SPIDR: variants seen among roughly 807,000 people sequenced by gnomAD.
SPIDR encodes the protein scaffold protein involved in DNA repair.
A neutral mutation model predicts 104.6 loss-of-function variants in SPIDR; 93 were observed. The ratio of observed to expected loss-of-function variants is 0.89; its 90% CI spans 0.75 to 1.06. The LOEUF is 1.06. Among genes scored for constraint, SPIDR ranks in the 50% least tolerant of loss-of-function variants. The probability of loss-of-function intolerance (pLI) is 0.00; values close to 1 mark genes in which losing one functional copy is unlikely to be tolerated. For synonymous variants in SPIDR, 431 were observed against 416.9 expected (o/e 1.03, Z -0.41); for missense variants, 1,154 against 1,111.2 (o/e 1.04, Z -0.55).
At chr8:47,681,338 T>C (rs1396345183) in intron 11 of SPIDR, among the ~76,000 whole-genome samples, 1 of 152,210 alleles carries the variant, frequency 6.6e-6, no homozygotes, top group Non-Finnish European at 1.5e-5. Context: ...TGTAAGATCT[T>C]CTGCTAAAAT....
chr8:47,612,789 G>T (rs1055201957), intron 10 of SPIDR, among the ~76,000 whole-genome samples: 1 of 151,974 alleles, frequency 6.6e-6, no homozygotes, highest in African/African-American at 2.4e-5. Context: ...TTAATATTGT[G>T]GTAAAAACAA....
chr8:47,719,289 A>G (rs1405818234), intron 16 of SPIDR, among the ~76,000 whole-genome samples: 3 of 152,156 alleles, frequency 2.0e-5, no homozygotes, highest in Non-Finnish European at 4.4e-5. Flanking sequence ...CAGGCGGATC[A>G]CGAGGTCAGG....
intron 8 of SPIDR, among the ~76,000 whole-genome samples, chr8:47,518,738 G>A (rs980393740): frequency 1.3e-5 from 2 of 151,462 alleles, no homozygotes; most frequent in African/African-American, 2.4e-5. Flanking sequence ...CCGAGTTCAC[G>A]CCATTCTCCT....
At chr8:47,400,004 G>A (rs782397637) in intron 6 of SPIDR, among the ~76,000 whole-genome samples, 14 of 152,146 alleles carry the variant, frequency 9.2e-5, no homozygotes, top group Non-Finnish European at 1.6e-4. Context: ...GGAGCTGGGC[G>A]GGCACTGACA....
At chr8:47,264,654 G>A (rs2033481756) in intron 1 of SPIDR, among the ~76,000 whole-genome samples, 1 of 145,894 alleles carries the variant, frequency 6.9e-6, no homozygotes, top group African/African-American at 2.5e-5. Flanking sequence ...TTTTGAGATG[G>A]AGTCTTGCTC....
intron 8 of SPIDR, among the ~76,000 whole-genome samples, chr8:47,536,244 A>C (rs2086893866): frequency 6.6e-6 from 1 of 152,130 alleles, no homozygotes; most frequent in Non-Finnish European, 1.5e-5. Context: ...ATTCAGTGTA[A>C]TTCCAATCAA....
At chr8:47,653,045 T>C (rs550929968) in intron 10 of SPIDR, among the ~76,000 whole-genome samples, 1 of 152,164 alleles carries the variant, frequency 6.6e-6, no homozygotes, top group Non-Finnish European at 1.5e-5. Context: ...AGCAACTGTC[T>C]TCTCATTCTC....
chr8:47,611,387 T>G (rs2063579897), intron 10 of SPIDR, among the ~76,000 whole-genome samples: 1 of 151,982 alleles, frequency 6.6e-6, no homozygotes, highest in Admixed American at 6.6e-5. Context: ...AGGGCAGCTC[T>G]TGGGTGAAGA....
At chr8:47,312,314 G>A (rs1554585922) in intron 5 of SPIDR, among the ~76,000 whole-genome samples, 2 of 152,112 alleles carry the variant, frequency 1.3e-5, no homozygotes, top group African/African-American at 4.8e-5. Flanking sequence ...CACAATGGTT[G>A]AACTAGTTTA....
chr8:47,680,047 G>A (rs375380738), intron 11 of SPIDR, among the ~76,000 whole-genome samples: 2 of 151,976 alleles, frequency 1.3e-5, no homozygotes, highest in East Asian at 3.9e-4. Context: ...TGCGGTGCAG[G>A]TGACAGAGTC....
intron 8 of SPIDR, among the ~76,000 whole-genome samples, chr8:47,447,693 C>T (rs920941303): frequency 1.1e-4 from 17 of 152,134 alleles, no homozygotes; most frequent in African/African-American, 3.9e-4. Flanking sequence ...GTATCTCATG[C>T]TACAGAGAAA....
chr8:47,334,657 T>C (rs1302851364), intron 5 of SPIDR, among the ~76,000 whole-genome samples: 1 of 152,226 alleles, frequency 6.6e-6, no homozygotes, highest in Non-Finnish European at 1.5e-5. Context: ...TCTTTACATA[T>C]GAAGTGAGTT....
chr8:47,273,993 C>CT (rs1283441912), intron 1 of SPIDR, among the ~76,000 whole-genome samples: 6 of 152,102 alleles, frequency 3.9e-5, no homozygotes, highest in African/African-American at 7.2e-5. Flanking sequence ...ATCACTTGGC[C>CT]TTTTTGCTAA....
At chr8:47,349,254 G>T (rs192225001) in intron 5 of SPIDR, among the ~76,000 whole-genome samples, 19 of 152,354 alleles carry the variant, frequency 1.2e-4, no homozygotes, top group African/African-American at 4.3e-4. Flanking sequence ...TCCAGACCCT[G>T]TTTGCCTGGG....
At chr8:47,517,203 C>A (rs1356948890) in intron 8 of SPIDR, among the ~76,000 whole-genome samples, 1 of 152,134 alleles carries the variant, frequency 6.6e-6, no homozygotes, top group East Asian at 1.9e-4. Context: ...CCAGGCTAGT[C>A]TTGAACTTCT....
intron 8 of SPIDR, among the ~76,000 whole-genome samples, chr8:47,450,146 CA>C (rs1483390663): frequency 6.6e-6 from 1 of 152,132 alleles, no homozygotes; most frequent in Non-Finnish European, 1.5e-5. Context: ...GCCTGGGTAA[CA>C]GAGTAAGACT....
chr8:47,626,296 C>A (rs1201040226), intron 10 of SPIDR, among the ~76,000 whole-genome samples: 1 of 152,172 alleles, frequency 6.6e-6, no homozygotes. Flanking sequence ...TAGAAGAAAA[C>A]CTAGGCAATA....
intron 8 of SPIDR, chr8:47,592,662 A>G: frequency 1.1e-6 from 1 of 886,186 alleles, no homozygotes; most frequent in Non-Finnish European, 1.8e-6. Flanking sequence ...CGCTTGCCTC[A>G]CGCACGAGTA....
chr8:47,477,337 C>G lies in SPIDR; in HGVS notation c.1097+36795C>G, dbSNP rs540777760. Among the ~76,000 whole-genome samples, 5 of 152,218 alleles carry G rather than the reference C, an allele frequency of 3.3e-5. No homozygotes were observed. The South Asian group carries it at 8.3e-4, about 25-fold the overall frequency. On this transcript the variant is annotated intron_variant, in intron 8 of 19. Coordinates refer to ENST00000297423, the MANE Select transcript of SPIDR (RefSeq NM_001080394.4). Reference sequence around the variant, plus strand: ...TCAGCCCCCTGAGTAACTGGGATTACAGGCGCTTGGCGACCACGCCCAGCT... The same window carrying G: ...TCAGCCCCCTGAGTAACTGGGATTAGAGGCGCTTGGCGACCACGCCCAGCT...
Sources: allele counts gnomAD v4.1 joint callset (sites outside exome capture counted in the v4.1 genomes callset), GRCh38; gene constraint gnomAD v4.1.1; transcripts MANE v1.5; gene names NCBI Gene and HGNC (gene_info 2026-07-23, HGNC 2026-07-21).